Variants in AOPEP observed in about 807,000 individuals in gnomAD.
The protein encoded by AOPEP is aminopeptidase O (putative), also known as aminopeptidase O.
A neutral mutation model predicts 98.1 loss-of-function variants in AOPEP; 77 were observed. The observed-to-expected ratio is 0.78, with a 90% CI of 0.65 to 0.95. AOPEP has a LOEUF of 0.95. Among genes scored for constraint, AOPEP ranks in the 40% least tolerant of loss-of-function variants. The pLI is 0.00. For missense variants in AOPEP, 1,024 were observed against 1,024.7 expected, an observed-to-expected ratio of 1.00 and a Z score of 0.01; for synonymous variants, 346 against 365.3, an observed-to-expected ratio of 0.95 and a Z score of 0.60.
chr9:94,906,478 A>ATAATAATAATAATAT (rs1283334005), intron 5 of AOPEP, among the ~76,000 whole-genome samples: 10 of 128,336 alleles, frequency 7.8e-5, no homozygotes, highest in Admixed American at 7.0e-4. Context: ...AATAATAATA[A>ATAATAATAATAATAT]TAATAAAAAA....
chr9:94,866,113 C>T (rs746670967), intron 5 of AOPEP, among the ~76,000 whole-genome samples: 1 of 152,230 alleles, frequency 6.6e-6, no homozygotes, highest in Admixed American at 6.5e-5. Context: ...CAAGGAGTCA[C>T]TGACTGGGAA....
At chr9:95,109,445 A>AT in the AOPEP span, among the ~76,000 whole-genome samples, 86 of 147,214 alleles carry the variant, frequency 5.8e-4, no homozygotes, top group Non-Finnish European at 7.5e-4. Context: ...CCCTTGCCTG[A>AT]TTTTTTTTTT....
chr9:95,065,771 G>A (rs74978217), intron 14 of AOPEP, among the ~76,000 whole-genome samples: 4 of 152,334 alleles, frequency 2.6e-5, no homozygotes, highest in African/African-American at 9.6e-5. Flanking sequence ...GCAACCCACA[G>A]AAGCTCAGCA....
the AOPEP span, chr9:95,135,559 A>T: frequency 6.5e-7 from 1 of 1,544,704 alleles, no homozygotes; most frequent in African/African-American, 1.4e-5. Flanking sequence ...AAAAAAGAAG[A>T]TTAAAAAAAG....
chr9:95,130,585 C>T, the AOPEP span, among the ~76,000 whole-genome samples: 7 of 152,158 alleles, frequency 4.6e-5, no homozygotes, highest in Non-Finnish European at 8.8e-5. Context: ...CATGTACTTG[C>T]ATGTAGCTTA....
At chr9:95,042,335 A>ATAAATAC (rs2065403144) in intron 13 of AOPEP, among the ~76,000 whole-genome samples, 4 of 34,266 alleles carry the variant, frequency 1.2e-4, no homozygotes, top group Non-Finnish European at 1.5e-4. Context: ...TAAATAAATA[A>ATAAATAC]ATAAATACAT....
intron 14 of AOPEP, among the ~76,000 whole-genome samples, chr9:95,062,491 G>A (rs902754719): frequency 6.6e-6 from 1 of 152,192 alleles, no homozygotes; most frequent in Non-Finnish European, 1.5e-5. Flanking sequence ...GGGATGTAGC[G>A]GCTGCAAGTG....
chr9:94,975,255 TAAG>T (rs199911351), intron 10 of AOPEP, among the ~76,000 whole-genome samples: 2 of 151,190 alleles, frequency 1.3e-5, no homozygotes, highest in East Asian at 3.9e-4. Context: ...ATAATAATAA[TAAG>T]TAATAATAAT....
At chr9:95,091,644 C>T (rs893163413), downstream of AOPEP, among the ~76,000 whole-genome samples, 6 of 152,126 alleles carry the variant, frequency 3.9e-5, no homozygotes, top group African/African-American at 1.4e-4. Context: ...TGGAGATTTA[C>T]AAGGTGGAAG....
At chr9:94,937,803 A>G (rs1430405360) in intron 7 of AOPEP, among the ~76,000 whole-genome samples, 1 of 152,104 alleles carries the variant, frequency 6.6e-6, no homozygotes, top group African/African-American at 2.4e-5. Context: ...TTACTACATG[A>G]TTTGGTCATT....
the AOPEP span, among the ~76,000 whole-genome samples, chr9:95,120,404 G>C: frequency 1.3e-5 from 2 of 151,298 alleles, no homozygotes; most frequent in African/African-American, 4.9e-5. Context: ...TGATTACAAT[G>C]GCTTTTAAAA....
At chr9:95,105,109 G>A in the AOPEP span, among the ~76,000 whole-genome samples, 1 of 152,210 alleles carries the variant, frequency 6.6e-6, no homozygotes, top group African/African-American at 2.4e-5. Flanking sequence ...GCAGCCAGTC[G>A]TCTTTAGCCC....
chr9:95,055,128 T>C (rs1392500687), intron 13 of AOPEP, among the ~76,000 whole-genome samples: 1 of 152,246 alleles, frequency 6.6e-6, no homozygotes, highest in East Asian at 1.9e-4. Flanking sequence ...AATAAATATA[T>C]TTCATTTCTG....
intron 1 of AOPEP, among the ~76,000 whole-genome samples, chr9:94,749,995 G>A (rs1039995099): frequency 6.6e-6 from 1 of 152,186 alleles, no homozygotes; most frequent in African/African-American, 2.4e-5. Context: ...GAAGAATATT[G>A]ATGCTTTGTA....
In AOPEP at chr9:95,082,569, C is replaced by T. The variant is rs1194493517; in HGVS notation, c.2320-6C>T. ...CCTGATGCCCTTTGGCCTCTGTGCC[C>T]TGCAGGCCATGGGTGTGTACCTCTA... On this transcript the variant is annotated splice_polypyrimidine_tract_variant and splice_region_variant and intron_variant, in intron 15 of 16. Transcript: ENST00000375315. 1.9e-6 allele frequency: 3 copies of T among 1,613,882 alleles called. No homozygotes were observed. The highest frequency in any genetic ancestry group is 3.3e-5 in the Admixed American group (2 of 60,002).
chr9:94,967,427 G>A lies in AOPEP; in HGVS notation c.1873-331G>A, dbSNP rs140403616. Among the ~76,000 whole-genome samples, 270 of 152,308 alleles carry A rather than the reference G, an allele frequency of 1.8e-3. 1 individual carries two copies. The highest frequency in any genetic ancestry group is 5.8e-3 in the African/African-American group (243 of 41,572). On this transcript the variant is annotated intron_variant, in intron 9 of 16. Transcript: ENST00000375315. ...GGAAGGTTCAGGAATTGGAGGCGATGGGGGAGTAGAGAGGGATAATGCTTT... is the reference window on the plus strand; with the variant it reads ...GGAAGGTTCAGGAATTGGAGGCGATAGGGGAGTAGAGAGGGATAATGCTTT...
At chr9:95,047,239 T>TG (rs1157510046) in intron 13 of AOPEP, among the ~76,000 whole-genome samples, 1 of 152,224 alleles carries the variant, frequency 6.6e-6, no homozygotes, top group Non-Finnish European at 1.5e-5. Flanking sequence ...AGTGGAAGAC[T>TG]CTCAGCCTAT....
chr9:95,104,519 A>G, the AOPEP span, among the ~76,000 whole-genome samples: 74,099 of 152,042 alleles, frequency 0.49, 18,617 homozygotes, highest in East Asian at 0.64. Context: ...GGACTGCCCC[A>G]CACAGGATGC....
chr9:95,114,434 A>C, the AOPEP span: 381 of 677,048 alleles, frequency 5.6e-4, 2 homozygotes, highest in African/African-American at 6.1e-3. Flanking sequence ...GCGCATGCCT[A>C]TTCATCCTGA....
Sources: gnomAD v4.1 joint callset for allele counts (sites outside exome capture counted in the v4.1 genomes callset) on GRCh38, gnomAD v4.1.1 for gene constraint, MANE v1.5 for transcripts, NCBI Gene and HGNC (gene_info 2026-07-23, HGNC 2026-07-21) for gene names.